Variants in TXNRD1 observed in about 807,000 individuals in gnomAD.
TXNRD1 encodes the protein thioredoxin reductase 1, cytoplasmic.
A neutral mutation model predicts 80.3 loss-of-function variants in TXNRD1; 57 were observed. The observed-to-expected ratio is 0.71, with a 90% CI of 0.57 to 0.89. The LOEUF (loss-of-function observed/expected upper bound fraction) is 0.89, where lower values mean the gene tolerates loss of function less well. TXNRD1 is among the 40% of genes least tolerant of loss of function. The probability of loss-of-function intolerance (pLI) is 0.00; values close to 1 mark genes in which losing one functional copy is unlikely to be tolerated. For missense variants in TXNRD1, 730 were observed against 803.0 expected, an observed-to-expected ratio of 0.91 and a Z score of 1.10; for synonymous variants, 291 against 285.2, an observed-to-expected ratio of 1.02 and a Z score of -0.20.
chr12:104,221,943 A>G (rs1363168766), intron 1 of TXNRD1, among the ~76,000 whole-genome samples: 2 of 152,154 alleles, frequency 1.3e-5, no homozygotes, highest in African/African-American at 4.8e-5. Flanking sequence ...AGTGGTGGAG[A>G]CTGGGGTGGA....
chr12:104,277,310 G>A (rs548041662), intron 3 of TXNRD1, among the ~76,000 whole-genome samples: 11 of 150,808 alleles, frequency 7.3e-5, no homozygotes, highest in Non-Finnish European at 1.5e-4. Flanking sequence ...TGAGGCAGGA[G>A]AATGACATGA....
chr12:104,222,090 T>G (rs961300570), intron 1 of TXNRD1, among the ~76,000 whole-genome samples: 1 of 152,148 alleles, frequency 6.6e-6, no homozygotes, highest in Non-Finnish European at 1.5e-5. Flanking sequence ...TTTTTGTGAC[T>G]TCCCCAGCTT....
At chr12:104,325,156 G>A (rs537962409) in intron 10 of TXNRD1, among the ~76,000 whole-genome samples, 181 bp from the exon 11 acceptor site, 5 of 152,126 alleles carry the variant, frequency 3.3e-5, no homozygotes, top group Non-Finnish European at 7.4e-5. Context: ...ATTGAGCAGC[G>A]AAAAAGAAGG....
At chr12:104,311,444 G>GTCTGTTT in intron 5 of TXNRD1, 32 bp downstream of exon 5, 2 of 1,605,540 alleles carry the variant, frequency 1.2e-6, no homozygotes, top group Non-Finnish European at 1.7e-6. Flanking sequence ...GTTGTCTGTT[G>GTCTGTTT]TCTGGGTGGT....
In TXNRD1 at chr12:104,326,420, A is replaced by G. The variant is rs1466839944; in HGVS notation, c.1382A>G (p.Glu461Gly). 2 of 1,540,514 alleles carry G rather than the reference A, an allele frequency of 1.3e-6. No homozygotes were observed. Among genetic ancestry groups the G allele is most frequent in the South Asian group, 2.5e-5 (2 of 79,094 alleles). ...GAAACCGTAGGGGTGAAGATAAATGAAAAGTAAGAAAAAAATCTTTATTAT... is the reference window on the plus strand; with the variant it reads ...GAAACCGTAGGGGTGAAGATAAATGGAAAGTAAGAAAAAAATCTTTATTAT... ...GLETVGVKIN[E>G]KTGKIPVTDE... Residue 461 changes from glutamate (E) to glycine (G), a missense_variant, in exon 12 of 17, where the codon GAA becomes GGA. Transcript: ENST00000525566.
chr12:104,255,946 T>C (rs1443923768), intron 2 of TXNRD1, among the ~76,000 whole-genome samples: 2 of 152,244 alleles, frequency 1.3e-5, no homozygotes, highest in African/African-American at 4.8e-5. Context: ...AATTTGGAAA[T>C]TAATTTTCGA....
At chr12:104,228,934 T>G (rs2032539882) in intron 1 of TXNRD1, among the ~76,000 whole-genome samples, 1 of 151,968 alleles carries the variant, frequency 6.6e-6, no homozygotes, top group East Asian at 2.0e-4. Flanking sequence ...TTAGCCAGGC[T>G]GGTCTCGATC....
chr12:104,348,302 A>T, intron 16 of TXNRD1, 51 bp from the exon 17 acceptor site: 1 of 1,568,250 alleles, frequency 6.4e-7, no homozygotes, highest in Non-Finnish European at 8.8e-7. Flanking sequence ...GTTCCCTGTT[A>T]CCTCATTTGC....
intron 1 of TXNRD1, among the ~76,000 whole-genome samples, chr12:104,241,994 A>G (rs1185487355): frequency 8.2e-6 from 1 of 121,344 alleles, no homozygotes; most frequent in Admixed American, 1.1e-4. Context: ...ACTAGAGTGC[A>G]GGGCACGATC....
intron 15 of TXNRD1, among the ~76,000 whole-genome samples, chr12:104,335,009 A>C (rs2036085773): frequency 1.3e-5 from 2 of 152,330 alleles, no homozygotes; most frequent in Middle Eastern, 3.4e-3. Flanking sequence ...CACTACTAAG[A>C]AAGAGCTCTT....
chr12:104,329,029 T>C (rs1482168794), intron 13 of TXNRD1, among the ~76,000 whole-genome samples: 2 of 152,192 alleles, frequency 1.3e-5, no homozygotes, highest in East Asian at 3.9e-4. Flanking sequence ...CAAAAAGTGA[T>C]GCTAGCAAAA....
At chr12:104,281,935 A>G (rs921813926) in intron 3 of TXNRD1, among the ~76,000 whole-genome samples, 1 of 152,178 alleles carries the variant, frequency 6.6e-6, no homozygotes, top group Admixed American at 6.5e-5. Context: ...GGCTTTAGAC[A>G]TACTGGTTAC....
intron 3 of TXNRD1, chr12:104,280,291 G>T (rs1166918721): frequency 6.6e-6 from 1 of 152,012 alleles, no homozygotes; most frequent in Non-Finnish European, 1.5e-5. Flanking sequence ...TACCTTATAG[G>T]ATTTCTTGGC....
intron 4 of TXNRD1, among the ~76,000 whole-genome samples, chr12:104,299,425 A>G (rs530254134): frequency 6.6e-6 from 1 of 152,306 alleles, no homozygotes; most frequent in Admixed American, 6.5e-5. Context: ...TTTAATAATA[A>G]CAAAACACAA....
In TXNRD1 at chr12:104,350,293, T is replaced by C. The variant is rs567945232; in HGVS notation, c.*1872T>C. Reference sequence around the variant, plus strand: ...AAAAGGCATTAATAATATCCACGTGTGCCTTCTTACTGAATGATGGTCTTG... The same window carrying C: ...AAAAGGCATTAATAATATCCACGTGCGCCTTCTTACTGAATGATGGTCTTG... On this transcript the variant is annotated 3_prime_UTR_variant, in exon 17 of 17. Coordinates refer to ENST00000525566, the MANE Select transcript of TXNRD1 (RefSeq NM_001093771.3). 1 of 152,348 alleles carries C rather than the reference T, an allele frequency of 6.6e-6. No homozygotes were observed. The highest frequency in any genetic ancestry group is 2.1e-4 in the South Asian group (1 of 4,830). 9.4% of individuals were successfully genotyped at this position (152,348 alleles called of 1,614,324 possible).
At chr12:104,328,033 C>T (rs1462641864) in intron 13 of TXNRD1, among the ~76,000 whole-genome samples, 1 of 151,784 alleles carries the variant, frequency 6.6e-6, no homozygotes, top group African/African-American at 2.4e-5. Context: ...GTGGCGCATG[C>T]CTGTAATCCC....
intron 13 of TXNRD1, among the ~76,000 whole-genome samples, chr12:104,328,032 G>A (rs189063883): frequency 2.6e-5 from 4 of 151,978 alleles, no homozygotes; most frequent in Admixed American, 1.3e-4. Context: ...GGTGGCGCAT[G>A]CCTGTAATCC....
intron 2 of TXNRD1, among the ~76,000 whole-genome samples, chr12:104,254,644 A>AAAAAAAAAAAAATATATATATAT: frequency 1.1e-4 from 10 of 93,630 alleles, no homozygotes; most frequent in Admixed American, 9.1e-4. Flanking sequence ...AAAAAAAAAA[A>AAAAAAAAAAAAATATATATATAT]ATATATATAT....
chr12:104,324,610 A>G (rs750836690), intron 10 of TXNRD1, among the ~76,000 whole-genome samples: 4 of 150,468 alleles, frequency 2.7e-5, no homozygotes, highest in African/African-American at 4.9e-5. Context: ...TCGGCCTCCC[A>G]AAGTGCTGGG....
Sources: gnomAD v4.1 joint callset for allele counts (sites outside exome capture counted in the v4.1 genomes callset) on GRCh38, gnomAD v4.1.1 for gene constraint, MANE v1.5 for transcripts, NCBI Gene and HGNC (gene_info 2026-07-23, HGNC 2026-07-21) for gene names.